LRMDA: variants seen among roughly 807,000 people sequenced by gnomAD.
The protein encoded by LRMDA is leucine-rich melanocyte differentiation-associated protein.
In LRMDA, 18 loss-of-function variants were observed where a neutral mutation model predicts 29.8. That is an observed-to-expected ratio of 0.60 (90% CI 0.42 to 0.90). LRMDA has a LOEUF of 0.90. Among genes scored for constraint, LRMDA ranks in the 40% least tolerant of loss-of-function variants. The pLI is 0.00. For missense variants in LRMDA, 273 were observed against 273.9 expected, an observed-to-expected ratio of 1.00 and a Z score of 0.02; for synonymous variants, 125 against 109.4, an observed-to-expected ratio of 1.14 and a Z score of -0.89.
At chr10:76,103,065 C>T (rs936233295) in intron 5 of LRMDA, among the ~76,000 whole-genome samples, 1 of 152,152 alleles carries the variant, frequency 6.6e-6, no homozygotes, top group Admixed American at 6.5e-5. Flanking sequence ...TCTCCTTTGA[C>T]TATAATTTTT....
At chr10:75,947,301 T>G (rs1846492649) in intron 2 of LRMDA, among the ~76,000 whole-genome samples, 1 of 152,152 alleles carries the variant, frequency 6.6e-6, no homozygotes. Flanking sequence ...ATTTGGGGGA[T>G]GAGTTGGCTC....
chr10:75,639,528 A>G (rs1189630006), intron 2 of LRMDA, among the ~76,000 whole-genome samples: 1 of 152,136 alleles, frequency 6.6e-6, no homozygotes, highest in Non-Finnish European at 1.5e-5. Flanking sequence ...AGACTTAGAC[A>G]TGTTGAGTGC....
chr10:76,257,428 G>C (rs762406570), intron 5 of LRMDA, among the ~76,000 whole-genome samples: 1 of 151,190 alleles, frequency 6.6e-6, no homozygotes, highest in Non-Finnish European at 1.5e-5. Context: ...CTGGCTCCCA[G>C]GTTTAAGCAA....
At chr10:75,702,720 G>A (rs1313026440) in intron 2 of LRMDA, among the ~76,000 whole-genome samples, 1 of 152,212 alleles carries the variant, frequency 6.6e-6, no homozygotes, top group African/African-American at 2.4e-5. Context: ...AATAAAAGAT[G>A]TAAGAGTTAT....
At chr10:75,548,762 G>A (rs1262370972) in intron 2 of LRMDA, among the ~76,000 whole-genome samples, 1 of 152,004 alleles carries the variant, frequency 6.6e-6, no homozygotes, top group Non-Finnish European at 1.5e-5. Flanking sequence ...CTAAGTATCT[G>A]TCGGAAATAT....
At chr10:76,209,226 A>ACTTATTAGGTCACTTATTTAG (rs1851592209) in intron 5 of LRMDA, among the ~76,000 whole-genome samples, 1 of 152,046 alleles carries the variant, frequency 6.6e-6, no homozygotes, top group Non-Finnish European at 1.5e-5. Flanking sequence ...AGCTAAGGAG[A>ACTTATTAGGTCACTTATTTAG]GTCACTCTCA....
At chr10:75,816,283 G>A (rs963727412) in intron 2 of LRMDA, among the ~76,000 whole-genome samples, 1 of 152,210 alleles carries the variant, frequency 6.6e-6, no homozygotes, top group Non-Finnish European at 1.5e-5. Context: ...AAGCGTCAGA[G>A]AGGAGGTCTA....
chr10:76,315,315 G>T (rs1840678973), intron 5 of LRMDA, among the ~76,000 whole-genome samples: 1 of 152,198 alleles, frequency 6.6e-6, no homozygotes, highest in African/African-American at 2.4e-5. Context: ...TTGAAGGGGC[G>T]GGAGCCCGCA....
intron 2 of LRMDA, among the ~76,000 whole-genome samples, chr10:75,614,856 AG>A (rs1236922246): frequency 6.6e-6 from 1 of 152,046 alleles, no homozygotes; most frequent in African/African-American, 2.4e-5. Flanking sequence ...CCAGCAAGAT[AG>A]GAGGCATGTG....
chr10:75,608,509 A>G lies in LRMDA; in HGVS notation c.131+170015A>G, dbSNP rs555117173. On this transcript the variant is annotated intron_variant, in intron 2 of 6. Coordinates refer to ENST00000611255, the MANE Select transcript of LRMDA (RefSeq NM_001305581.2). ...GTTCCCACCACACACAAAAAATGGT[A>G]ACTATGTGAAGAGAAGACTACATTA... is the stretch of plus-strand genomic sequence containing the variant. 3.9e-5 allele frequency among the ~76,000 whole-genome samples: 6 copies of G among 152,272 alleles called. No individual in the cohort carries two copies. The East Asian group carries it at 1.2e-3, about 29-fold the overall frequency.
chr10:76,458,982 A>G (rs953712604), intron 6 of LRMDA, among the ~76,000 whole-genome samples: 3 of 152,164 alleles, frequency 2.0e-5, no homozygotes, highest in African/African-American at 7.2e-5. Context: ...AGAAATCAGT[A>G]AAATGTGACG....
chr10:76,282,856 C>T (rs550545589), intron 5 of LRMDA, among the ~76,000 whole-genome samples: 4 of 152,090 alleles, frequency 2.6e-5, no homozygotes, highest in Non-Finnish European at 2.9e-5. Context: ...ATTTCAGAGC[C>T]GTGCAGACTG....
intron 2 of LRMDA, among the ~76,000 whole-genome samples, chr10:75,824,804 A>G (rs147961755): frequency 6.5e-4 from 99 of 152,348 alleles, no homozygotes; most frequent in Non-Finnish European, 9.1e-4. Flanking sequence ...GTGGAAGACT[A>G]TGAAAACTTT....
At chr10:75,915,123 T>C (rs900020629) in intron 2 of LRMDA, among the ~76,000 whole-genome samples, 2 of 50,558 alleles carry the variant, frequency 4.0e-5, no homozygotes, top group Admixed American at 2.1e-4. Context: ...TAACCTTCTT[T>C]TTTTTTTTTT....
intron 6 of LRMDA, among the ~76,000 whole-genome samples, chr10:76,490,174 T>C (rs887709817): frequency 2.0e-5 from 3 of 152,040 alleles, no homozygotes; most frequent in African/African-American, 7.2e-5. Context: ...ATTAGTTCAA[T>C]ATTTTGAGTG....
chr10:75,720,957 G>A (rs1019915353), intron 2 of LRMDA, among the ~76,000 whole-genome samples: 1 of 152,146 alleles, frequency 6.6e-6, no homozygotes, highest in African/African-American at 2.4e-5. Flanking sequence ...GTTTCATCAG[G>A]GTATTTCAAA....
chr10:75,988,379 C>T (rs1033933677), intron 2 of LRMDA, among the ~76,000 whole-genome samples: 3 of 152,034 alleles, frequency 2.0e-5, no homozygotes, highest in African/African-American at 7.2e-5. Flanking sequence ...AGAGACAGGT[C>T]TGGGTGTCCA....
chr10:75,814,549 C>G (rs1365850704), intron 2 of LRMDA, among the ~76,000 whole-genome samples: 1 of 151,956 alleles, frequency 6.6e-6, no homozygotes, highest in Admixed American at 6.6e-5. Flanking sequence ...AGCCATTCAG[C>G]AACATTTTCC....
intron 2 of LRMDA, among the ~76,000 whole-genome samples, chr10:75,650,513 G>A (rs1010143680): frequency 1.3e-5 from 2 of 151,654 alleles, no homozygotes; most frequent in Non-Finnish European, 2.9e-5. Flanking sequence ...AAGGTTGAGA[G>A]ATAGCAGAAT....
Sources: allele counts gnomAD v4.1 joint callset (sites outside exome capture counted in the v4.1 genomes callset), GRCh38; gene constraint gnomAD v4.1.1; transcripts MANE v1.5; gene names NCBI Gene and HGNC (gene_info 2026-07-23, HGNC 2026-07-21).